The following RSRC1 variants were observed in gnomAD, a reference collection of about 807,000 sequenced individuals.
RSRC1 encodes serine/Arginine-related protein 53.
A neutral mutation model predicts 49.1 loss-of-function variants in RSRC1; 39 were observed. The observed-to-expected ratio is 0.79, with a 90% CI of 0.61 to 1.04. The LOEUF (loss-of-function observed/expected upper bound fraction) is 1.04. RSRC1 is among the 50% of genes least tolerant of loss of function. RSRC1 has a pLI of 0.00. For missense variants in RSRC1, 388 were observed against 402.4 expected (o/e 0.96, Z 0.31); for synonymous variants, 143 against 130.8 (o/e 1.09, Z -0.63).
chr3:158,349,896 C>T (rs1314506394), intron 5 of RSRC1, among the ~76,000 whole-genome samples: 1 of 151,176 alleles, frequency 6.6e-6, no homozygotes, highest in Non-Finnish European at 1.5e-5. Context: ...CAGAGTTTCA[C>T]CATATTTGTC....
chr3:158,425,828 A>T (rs1281017505), intron 6 of RSRC1, among the ~76,000 whole-genome samples: 1 of 151,812 alleles, frequency 6.6e-6, no homozygotes, highest in Non-Finnish European at 1.5e-5. Flanking sequence ...TTAAAAATTC[A>T]TATTGAATAG....
chr3:158,211,350 A>G (rs935555347), intron 4 of RSRC1, among the ~76,000 whole-genome samples: 32 of 151,976 alleles, frequency 2.1e-4, no homozygotes, highest in African/African-American at 7.7e-4. Flanking sequence ...ACACTTGCCA[A>G]AGATATTACT....
intron 5 of RSRC1, among the ~76,000 whole-genome samples, chr3:158,301,964 TG>T (rs1190194573): frequency 7.3e-6 from 1 of 136,296 alleles, no homozygotes; most frequent in African/African-American, 2.8e-5. Flanking sequence ...ATCAATCCTT[TG>T]TTTTTTTGTT....
intron 7 of RSRC1, among the ~76,000 whole-genome samples, chr3:158,511,518 A>G (rs1413248668): frequency 6.6e-6 from 1 of 152,136 alleles, no homozygotes; most frequent in Non-Finnish European, 1.5e-5. Context: ...ACTCCAGTCT[A>G]TCATTGTTGG....
chr3:158,402,054 A>C (rs1733920632), intron 6 of RSRC1, among the ~76,000 whole-genome samples: 1 of 151,842 alleles, frequency 6.6e-6, no homozygotes, highest in Admixed American at 6.6e-5. Context: ...GTTAATGGAG[A>C]AGATGATGCA....
At chr3:158,343,024 G>A (rs1392823003) in intron 5 of RSRC1, among the ~76,000 whole-genome samples, 3 of 152,196 alleles carry the variant, frequency 2.0e-5, no homozygotes, top group Non-Finnish European at 2.9e-5. Context: ...TTACCTGAGA[G>A]GAGTGAGCTG....
intron 7 of RSRC1, among the ~76,000 whole-genome samples, chr3:158,473,225 G>T (rs112757473): frequency 1.3e-5 from 2 of 152,010 alleles, no homozygotes; most frequent in Admixed American, 1.3e-4. Flanking sequence ...TATGTTTATC[G>T]CGGCACTACT....
At chr3:158,456,317 T>C (rs1403907294) in intron 6 of RSRC1, among the ~76,000 whole-genome samples, 1 of 151,016 alleles carries the variant, frequency 6.6e-6, no homozygotes, top group Non-Finnish European at 1.5e-5. Context: ...GGGTTTTTTT[T>C]TTTTTTTAAT....
chr3:158,249,227 A>G (rs73874345), intron 4 of RSRC1, among the ~76,000 whole-genome samples: 11,650 of 152,268 alleles, frequency 0.077, 536 homozygotes, highest in South Asian at 0.13. Context: ...AACCATCACA[A>G]TTAAGATAGT....
At chr3:158,167,925 G>A (rs910997855) in intron 3 of RSRC1, among the ~76,000 whole-genome samples, 2 of 152,098 alleles carry the variant, frequency 1.3e-5, no homozygotes, top group Admixed American at 6.6e-5. Context: ...CCTCTTTGAA[G>A]GTAAGAAACT....
chr3:158,352,493 C>T (rs906538285), intron 5 of RSRC1, among the ~76,000 whole-genome samples: 8 of 151,868 alleles, frequency 5.3e-5, no homozygotes, highest in Non-Finnish European at 8.8e-5. Flanking sequence ...AAAAATCTTT[C>T]CTTATGAAAT....
intron 4 of RSRC1, among the ~76,000 whole-genome samples, chr3:158,290,825 C>G (rs1355755535): frequency 6.6e-6 from 1 of 152,092 alleles, no homozygotes; most frequent in East Asian, 1.9e-4. Context: ...GCTCTTATAT[C>G]CATAGAAAAC....
intron 4 of RSRC1, among the ~76,000 whole-genome samples, chr3:158,249,119 C>T (rs1724067983): frequency 1.3e-5 from 2 of 152,044 alleles, no homozygotes; most frequent in Admixed American, 1.3e-4. Context: ...CAATATTTCT[C>T]CTATTTTAAA....
At chr3:158,322,676 G>T (rs1471961734) in intron 5 of RSRC1, among the ~76,000 whole-genome samples, 1 of 152,046 alleles carries the variant, frequency 6.6e-6, no homozygotes, top group African/African-American at 2.4e-5. Flanking sequence ...ACTTCCTCAA[G>T]TATTTTTTTC....
chr3:158,438,189 A>T (rs1482591468), intron 6 of RSRC1, among the ~76,000 whole-genome samples: 1 of 152,198 alleles, frequency 6.6e-6, no homozygotes, highest in East Asian at 1.9e-4. Context: ...CAGTGGAAGA[A>T]TATTTCATGC....
At chr3:158,387,703 A>C (rs1733041505) in intron 6 of RSRC1, among the ~76,000 whole-genome samples, 1 of 152,172 alleles carries the variant, frequency 6.6e-6, no homozygotes, top group Non-Finnish European at 1.5e-5. Flanking sequence ...ACAAAATATC[A>C]TGAAAACCTT....
chr3:158,398,232 A>G (rs1382049904), intron 6 of RSRC1, among the ~76,000 whole-genome samples: 1 of 152,148 alleles, frequency 6.6e-6, no homozygotes, highest in African/African-American at 2.4e-5. Flanking sequence ...ATTAAAAAAT[A>G]CCTGAGACTG....
chr3:158,330,028 C>A (rs543766022), intron 5 of RSRC1, among the ~76,000 whole-genome samples: 1 of 152,326 alleles, frequency 6.6e-6, no homozygotes, highest in African/African-American at 2.4e-5. Context: ...TTGGACCCTC[C>A]GAGCCAGGCG....
intron 4 of RSRC1, among the ~76,000 whole-genome samples, chr3:158,289,126 CT>C (rs1726761234): frequency 6.6e-6 from 1 of 152,092 alleles, no homozygotes; most frequent in African/African-American, 2.4e-5. Context: ...TATAATTTCT[CT>C]TATGTCTAAA....
Sources: allele counts gnomAD v4.1 joint callset (sites outside exome capture counted in the v4.1 genomes callset), GRCh38; gene constraint gnomAD v4.1.1; transcripts MANE v1.5; gene names NCBI Gene and HGNC (gene_info 2026-07-23, HGNC 2026-07-21).